The following LONP1 variants were observed in gnomAD, a reference collection of about 807,000 sequenced individuals.
LONP1 encodes the protein lon peptidase 1, mitochondrial.
In LONP1, 31 loss-of-function variants were observed where a neutral mutation model predicts 98.5. That is an observed-to-expected ratio of 0.31 (90% confidence interval 0.24 to 0.42). The LOEUF is 0.42. Among genes scored for constraint, LONP1 ranks in the 20% least tolerant of loss-of-function variants. LONP1 has a pLI of 1.00. For missense variants in LONP1, 1,336 were observed against 1,350.6 expected (o/e 0.99, Z 0.17); for synonymous variants, 781 against 594.7 (o/e 1.31, Z -4.56).
intron 9 of LONP1, 146 bp from the exon 10 acceptor site, chr19:5,699,351 G>T: frequency 1.9e-6 from 1 of 524,434 alleles, no homozygotes; most frequent in Non-Finnish European, 3.0e-6. Context: ...GCACATCAGA[G>T]CTGCCACTGG....
intron 17 of LONP1, 45 bp downstream of exon 17, chr19:5,693,253 G>A: frequency 1.3e-6 from 2 of 1,573,738 alleles, no homozygotes; most frequent in Non-Finnish European, 1.7e-6. Flanking sequence ...TCCCGTGGTG[G>A]TGTGGGCCCT....
chr19:5,699,323 G>A (rs1408692970), intron 9 of LONP1, 118 bp from the exon 10 acceptor site: 2 of 783,150 alleles, frequency 2.6e-6, no homozygotes, highest in African/African-American at 3.6e-5. Flanking sequence ...AAGGGACCAG[G>A]ATTGTCCGGG....
At position 5,694,459 on chromosome 19, in the gene LONP1, C is replaced by A. The variant is rs374091667; in HGVS notation, c.2248G>T (p.Val750Leu). The change falls in exon 15 of 18, where the codon GTG becomes TTG. Residue 750 changes from valine (V) to leucine (L), a missense_variant. Physicochemically the swap from Val to Leu is conservative, Grantham distance 32. This residue lies in a region of LONP1 where 555 missense variants were observed against 542.6 expected (regional missense o/e 1.02). Transcript: ENST00000360614. ...TCATACATGCGCTCCACGGTGAACACGGGCTTCCCCACGAAGTCCTGCAGG... is the reference window on the plus strand; with the variant it reads ...TCATACATGCGCTCCACGGTGAACAAGGGCTTCCCCACGAAGTCCTGCAGG... ...ENLQDFVGKP[V>L]FTVERMYDVT... 13 of 1,613,374 alleles carry A rather than the reference C, an allele frequency of 8.1e-6. No individual in the cohort carries two copies. The highest frequency in any genetic ancestry group is 5.9e-6 in the Non-Finnish European group (7 of 1,180,030).
Position 5,694,967 on chromosome 19 carries a change from G to A in LONP1, c.2014-66C>T, listed in dbSNP as rs2054900466. 2.6e-6 allele frequency: 4 copies of A among 1,534,314 alleles called. No individual in the cohort carries two copies. The South Asian group carries it at 4.8e-5, about 18-fold the overall frequency. On this transcript the variant is annotated intron_variant, in intron 13 of 17. Coordinates refer to ENST00000360614, the MANE Select transcript of LONP1 (RefSeq NM_004793.4). ...GCCCACCAGCTCAGTCTAGAACCTG[G>A]GAGCCAATGCCTCTCCCATGGCCCC...
At position 5,695,993 on chromosome 19, in the gene LONP1, G is replaced by T. The variant is rs534887425; in HGVS notation, c.2013+61C>A. The T allele has an allele frequency of 4.4e-4, 656 of 1,482,666 alleles. 9 individuals carry two copies. The highest frequency in any genetic ancestry group is 4.1e-3 in the South Asian group (354 of 85,692). 91.8% of individuals were successfully genotyped at this position (1,482,666 alleles called of 1,614,324 possible). On this transcript the variant is annotated intron_variant, in intron 13 of 17. Coordinates refer to ENST00000360614, the MANE Select transcript of LONP1 (RefSeq NM_004793.4). Reference sequence around the variant, plus strand: ...AGCTCCCAGAGGCACGGCCTCTGCAGGCTCTGGGGGGCGCCCCCTGCTCTG... The same window carrying T: ...AGCTCCCAGAGGCACGGCCTCTGCATGCTCTGGGGGGCGCCCCCTGCTCTG...
chr19:5,712,533 G>C (rs1221844221), intron 3 of LONP1: 1 of 175,608 alleles, frequency 5.7e-6, no homozygotes, highest in Admixed American at 5.6e-5. Context: ...GTCTCGCTCT[G>C]TTGCCCAGGC....
At chr19:5,709,861 G>A (rs1169498285) in intron 4 of LONP1, among the ~76,000 whole-genome samples, 3 of 128,842 alleles carry the variant, frequency 2.3e-5, no homozygotes, top group African/African-American at 3.1e-5. Flanking sequence ...GCGGTGAGCC[G>A]AGATCACGCC....
intron 3 of LONP1, 89 bp from the exon 4 acceptor site, chr19:5,712,091 A>C (rs1599476693): frequency 3.6e-6 from 4 of 1,112,720 alleles, no homozygotes; most frequent in Non-Finnish European, 5.1e-6. Flanking sequence ...AGGTGGTCCA[A>C]GGGTCCCGCT....
chr19:5,696,263 C>T lies in LONP1; in HGVS notation c.1882G>A (p.Val628Met), dbSNP rs756247881. ...AGGCCCCCCACCTTGGACAAGTCCACGGGCACGTCCAGGTAGTGGTCCAGG... is the reference window on the plus strand; with the variant it reads ...AGGCCCCCCACCTTGGACAAGTCCATGGGCACGTCCAGGTAGTGGTCCAGG... ...NFLDHYLDVP[V>M]DLSKVLFICT... Residue 628 changes from valine to methionine, a missense_variant, in exon 12 of 18, where the codon GTG becomes ATG. Transcript: ENST00000360614. The T allele has an allele frequency of 2.8e-5, 45 of 1,613,148 alleles. No homozygotes were observed. Among genetic ancestry groups the T allele is most frequent in the South Asian group, 1.9e-4 (17 of 91,076 alleles).
chr19:5,694,918 C>T lies in LONP1; in HGVS notation c.2014-17G>A. On this transcript the variant is annotated splice_polypyrimidine_tract_variant and intron_variant, in intron 13 of 17. Transcript: ENST00000360614. ...CAGGTAGCGCTGCAAGGGCAACCGT[C>T]AGGGTTGGGTCTGGAGGGACCTTGC... 1 of 1,587,368 alleles carries T rather than the reference C, an allele frequency of 6.3e-7. No individual in the cohort carries two copies. Among genetic ancestry groups the T allele is most frequent in the Admixed American group, 1.7e-5 (1 of 59,566 alleles).
intron 1 of LONP1, among the ~76,000 whole-genome samples, chr19:5,718,064 G>A (rs959158756): frequency 6.6e-6 from 1 of 152,042 alleles, no homozygotes; most frequent in East Asian, 1.9e-4. Flanking sequence ...AATATGTCCA[G>A]GTCACAGATG....
At chr19:5,709,230 T>C (rs1001651614) in intron 4 of LONP1, among the ~76,000 whole-genome samples, 1 of 151,590 alleles carries the variant, frequency 6.6e-6, no homozygotes, top group Non-Finnish European at 1.5e-5. Flanking sequence ...GGCTCACACC[T>C]GTAACACCAA....
Position 5,713,579 on chromosome 19 carries a change from G to A in LONP1, c.519-326C>T, listed in dbSNP as rs76504006. On this transcript the variant is annotated intron_variant, in intron 2 of 17. Coordinates refer to ENST00000360614, the MANE Select transcript of LONP1 (RefSeq NM_004793.4). ...GCATGCATGGAACTCTTTTTTTCTTGAGATGGAGTTTCGCTCTTGTTGCCC... is the reference window on the plus strand; with the variant it reads ...GCATGCATGGAACTCTTTTTTTCTTAAGATGGAGTTTCGCTCTTGTTGCCC... Among the ~76,000 whole-genome samples the A allele has an allele frequency of 2.1e-3, 316 of 152,078 alleles. 1 individual carries two copies. Among genetic ancestry groups the A allele is most frequent in the African/African-American group, 7.4e-3 (308 of 41,518 alleles).
chr19:5,702,127 C>T (rs1228594935), intron 8 of LONP1, among the ~76,000 whole-genome samples: 5 of 143,348 alleles, frequency 3.5e-5, no homozygotes, highest in Non-Finnish European at 6.1e-5. Context: ...AGGTGAGGGG[C>T]GCCTCTGCCC....
In LONP1 at chr19:5,699,555, GT is replaced by G. The variant is rs35759031; in HGVS notation, c.1507-351del. Among the ~76,000 whole-genome samples, 1,088 of 118,532 alleles carry G rather than the reference GT, an allele frequency of 9.2e-3. 12 individuals are homozygous for G. The highest frequency in any genetic ancestry group is 0.031 in the African/African-American group (972 of 31,200). 77.8% of individuals were successfully genotyped at this position (118,532 alleles called of 152,430 possible). A position where few individuals can be genotyped will look rare whatever the true frequency, so the allele number is the denominator to read the frequency against. ...CAGTCCACCAATGCCTCTGGCTCCT[GT>G]TTTTTTTTTTTTTTTTTTTGAGATG... On this transcript the variant is annotated intron_variant, in intron 9 of 17. Coordinates refer to ENST00000360614, the MANE Select transcript of LONP1 (RefSeq NM_004793.4).
chr19:5,702,626 T>A (rs1599462243), intron 8 of LONP1, among the ~76,000 whole-genome samples: 1 of 152,320 alleles, frequency 6.6e-6, no homozygotes, highest in South Asian at 2.1e-4. Context: ...GCCGTGTCTG[T>A]GTAGAAAGAA....
At chr19:5,702,503 G>A (rs1389524637) in intron 8 of LONP1, among the ~76,000 whole-genome samples, 4 of 152,178 alleles carry the variant, frequency 2.6e-5, no homozygotes, top group African/African-American at 9.7e-5. Context: ...CCCCCGCCCG[G>A]CCAGCCGCCC....
chr19:5,704,011 G>A (rs2055103407), intron 8 of LONP1, among the ~76,000 whole-genome samples: 1 of 152,182 alleles, frequency 6.6e-6, no homozygotes, highest in African/African-American at 2.4e-5. Flanking sequence ...GGCGGCACAG[G>A]CCTCTCACAT....
At chr19:5,697,508 G>T (rs191430603) in intron 10 of LONP1, among the ~76,000 whole-genome samples, 5 of 146,268 alleles carry the variant, frequency 3.4e-5, no homozygotes, top group African/African-American at 5.1e-5. Context: ...GAGGGAGGAG[G>T]GGGGGAGAGA....
Sources: gnomAD v4.1 joint callset for allele counts (sites outside exome capture counted in the v4.1 genomes callset) on GRCh38, gnomAD v4.1.1 for gene constraint, gnomAD v4.1.1 regional missense constraint, MANE v1.5 for transcripts, NCBI Gene and HGNC (gene_info 2026-07-23, HGNC 2026-07-21) for gene names.